The following GRTP1 variants were observed in gnomAD, a reference collection of about 807,000 sequenced individuals.
GRTP1 encodes the protein growth hormone regulated TBC protein 1, also known as growth hormone-regulated TBC protein 1.
Under a neutral mutation model 38.1 loss-of-function variants are expected in GRTP1, and 56 were observed. The observed-to-expected ratio is 1.47, with a 90% CI of 1.19 to 1.84. The LOEUF is 1.84. Among genes scored for constraint, GRTP1 ranks in the 40% most tolerant of loss-of-function variants. The pLI is 0.00. For missense variants in GRTP1, 506 were observed against 453.9 expected (o/e 1.11, Z -1.04); for synonymous variants, 217 against 189.5 (o/e 1.14, Z -1.19).
chr13:113,329,617 T>C (rs2042828286), intron 5 of GRTP1, among the ~76,000 whole-genome samples: 2 of 152,124 alleles, frequency 1.3e-5, no homozygotes, highest in African/African-American at 4.8e-5. Flanking sequence ...AATAAATTAC[T>C]GCAAGATGTG....
rs770477846 is a variant in GRTP1 at position 113,363,732 on chromosome 13, TCGGGACCCACCTGCGCCCC to T, written c.181+11_181+29del. The stretch of plus-strand genomic sequence containing the variant: ...GTCCCAGCCCAACCCACCTGCGCCC[TCGGGACCCACCTGCGCCCC>T]CGGGACCCACCTGTCCGGCTCCTGG... On this transcript the variant is annotated intron_variant, in intron 2 of 7. Coordinates refer to ENST00000375431, the MANE Select transcript of GRTP1 (RefSeq NM_024719.4). 4.5e-5 allele frequency: 70 copies of T among 1,544,852 alleles called. No individual in the cohort carries two copies. The South Asian group carries it at 6.7e-4, about 15-fold the overall frequency.
At chr13:113,362,678 T>C (rs2043520321) in intron 2 of GRTP1, among the ~76,000 whole-genome samples, 1 of 152,080 alleles carries the variant, frequency 6.6e-6, no homozygotes, top group African/African-American at 2.4e-5. Flanking sequence ...GGAAAACCTT[T>C]AACAGTTGGC....
At position 113,346,025 on chromosome 13, in the gene GRTP1, C is replaced by T. The variant is rs1465695769; in HGVS notation, c.466-1066G>A. 3.1e-3 allele frequency among the ~76,000 whole-genome samples: 246 copies of T among 78,622 alleles called. 1 individual carries two copies. Among genetic ancestry groups the T allele is most frequent in the African/African-American group, 0.011 (224 of 20,630 alleles). 51.6% of individuals were successfully genotyped at this position (78,622 alleles called of 152,430 possible). A position where few individuals can be genotyped will look rare whatever the true frequency, so the allele number is the denominator to read the frequency against. On this transcript the variant is annotated intron_variant, in intron 4 of 7. Transcript: ENST00000375431. Reference sequence around the variant, plus strand: ...GAGAGGACCTCTGCGGCTGAGCAGACCTGGGAAGACATCTGTGGCCGAGAG... The same window carrying T: ...GAGAGGACCTCTGCGGCTGAGCAGATCTGGGAAGACATCTGTGGCCGAGAG...
chr13:113,329,803 C>T (rs762703453), intron 5 of GRTP1, among the ~76,000 whole-genome samples: 3 of 152,166 alleles, frequency 2.0e-5, no homozygotes, highest in Non-Finnish European at 2.9e-5. Context: ...TGGGCGGTTC[C>T]GATCTTTATC....
rs2042752987 is a variant in GRTP1 at position 113,325,733 on chromosome 13, A to G, written c.849T>C (p.Val283=). 2.5e-6 allele frequency: 4 copies of G among 1,614,174 alleles called. No individual in the cohort carries two copies. The highest frequency in any genetic ancestry group is 3.4e-6 in the Non-Finnish European group (4 of 1,180,018). Residue 283 remains valine (V), a synonymous_variant, in exon 7 of 8, where the codon GTT becomes GTC. Transcript: ENST00000375431. ...HQELILEATS[V]PDICDKFKQI... is the part of the protein sequence containing the mutation. ...GCTTAAACTTATCGCAAATGTCTGG[A>G]ACGCTGGTGGCTTCCAAAATCAACT...
intron 7 of GRTP1, chr13:113,325,199 A>T: frequency 2.7e-6 from 3 of 1,102,378 alleles, no homozygotes; most frequent in Non-Finnish European, 3.3e-6. Context: ...CTGCACCCAG[A>T]GTGGCCCCGA....
chr13:113,326,169 A>G, intron 5 of GRTP1, 78 bp from the exon 6 acceptor site: 1 of 1,554,324 alleles, frequency 6.4e-7, no homozygotes, highest in Non-Finnish European at 8.7e-7. Flanking sequence ...GAGCCAGACA[A>G]AGACAACAGG....
intron 4 of GRTP1, among the ~76,000 whole-genome samples, chr13:113,347,261 G>C (rs1307982603): frequency 5.5e-5 from 3 of 54,332 alleles, no homozygotes; most frequent in East Asian, 6.9e-4. Flanking sequence ...GACCTCTGTG[G>C]CTGAGAGCAG....
At chr13:113,352,355 A>G (rs2043298334) in intron 3 of GRTP1, among the ~76,000 whole-genome samples, 1 of 93,670 alleles carries the variant, frequency 1.1e-5, no homozygotes, top group African/African-American at 4.4e-5. Flanking sequence ...ATATTTATAT[A>G]TATTTTATAT....
At chr13:113,330,214 C>T (rs1040929634) in intron 5 of GRTP1, among the ~76,000 whole-genome samples, 5 of 142,516 alleles carry the variant, frequency 3.5e-5, no homozygotes, top group African/African-American at 1.1e-4. Context: ...CATGGGAGCC[C>T]AGGTGCGTGG....
chr13:113,325,576 C>T (rs750325892), intron 7 of GRTP1, 85 bp downstream of exon 7: 11 of 1,605,550 alleles, frequency 6.9e-6, no homozygotes, highest in Admixed American at 1.7e-5. Context: ...TCCTGTGCAC[C>T]CTCCGGGTGG....
Position 113,349,986 on chromosome 13 carries a change from C to A in GRTP1, c.465+863G>T, listed in dbSNP as rs12584436. Among the ~76,000 whole-genome samples the A allele has an allele frequency of 0.33, 50,155 of 151,924 alleles. 8,747 individuals are homozygous for A. The highest frequency in any genetic ancestry group is 0.6 in the East Asian group (3,063 of 5,134). ...AGCACATGGCCTAAAATGCCAGGAA[C>A]GCACTCTCCAATCCCGGTGGCAGCC... On this transcript the variant is annotated intron_variant, in intron 4 of 7. Coordinates refer to ENST00000375431, the MANE Select transcript of GRTP1 (RefSeq NM_024719.4). The surrounding 1 kb of genome is among the most constrained non-coding windows in gnomAD (Gnocchi z 5.0).
intron 2 of GRTP1, among the ~76,000 whole-genome samples, chr13:113,358,599 G>GA (rs1330654852): frequency 7.9e-5 from 12 of 152,020 alleles, no homozygotes; most frequent in African/African-American, 2.7e-4. Context: ...ACGTGGTACT[G>GA]AAAAAAAGGT....
At chr13:113,347,513 C>T (rs1316996210) in intron 4 of GRTP1, among the ~76,000 whole-genome samples, 4 of 66,136 alleles carry the variant, frequency 6.0e-5, no homozygotes, top group Admixed American at 1.4e-4. Context: ...AGAGCGGACC[C>T]AGGAGCACCT....
At chr13:113,355,595 G>A (rs2043371910) in intron 2 of GRTP1, 114 bp from the exon 3 acceptor site, 2 of 1,278,282 alleles carry the variant, frequency 1.6e-6, no homozygotes, top group East Asian at 2.6e-5. Flanking sequence ...AAATATTAAA[G>A]AGACCCAGAA....
intron 3 of GRTP1, among the ~76,000 whole-genome samples, chr13:113,352,262 T>TTTATATATA (rs2043284509): frequency 2.1e-4 from 4 of 19,468 alleles, no homozygotes; most frequent in East Asian, 1.2e-3. Flanking sequence ...ATTTATATAT[T>TTTATATATA]TTTATATTTT....
chr13:113,328,115 A>G (rs554454572), intron 5 of GRTP1, among the ~76,000 whole-genome samples: 10 of 152,300 alleles, frequency 6.6e-5, no homozygotes, highest in African/African-American at 1.9e-4. Context: ...GCTGAGGCGC[A>G]GGCACTGATG....
chr13:113,340,851 T>C (rs1190902364), intron 5 of GRTP1, among the ~76,000 whole-genome samples: 1 of 152,156 alleles, frequency 6.6e-6, no homozygotes, highest in Non-Finnish European at 1.5e-5. Flanking sequence ...CTTCACAGTT[T>C]GATAGCAGTA....
At chr13:113,346,242 ACCTCTGTG>A (rs1228504455) in intron 4 of GRTP1, among the ~76,000 whole-genome samples, 20 of 133,106 alleles carry the variant, frequency 1.5e-4, no homozygotes, top group Admixed American at 2.3e-4. Flanking sequence ...ACCCGGGAGG[ACCTCTGTG>A]GCCGAGAGCA....
Sources: gnomAD v4.1 joint callset for allele counts (sites outside exome capture counted in the v4.1 genomes callset) on GRCh38, gnomAD v4.1.1 for gene constraint, Gnocchi (gnomAD v3.1) non-coding constraint, MANE v1.5 for transcripts, NCBI Gene and HGNC (gene_info 2026-07-23, HGNC 2026-07-21) for gene names.